Variants in RSU1 observed in about 807,000 individuals in gnomAD.
The protein encoded by RSU1 is rsu-1.
In RSU1, 26 loss-of-function variants were observed where a neutral mutation model predicts 31.1. The observed-to-expected ratio is 0.84, with a 90% confidence interval of 0.61 to 1.16. RSU1 has a LOEUF of 1.16. Among genes scored for constraint, RSU1 ranks in the 50% most tolerant of loss-of-function variants. RSU1 has a pLI of 0.00. For missense variants in RSU1, 320 were observed against 339.1 expected (o/e 0.94, Z 0.44); for synonymous variants, 164 against 136.3 (o/e 1.20, Z -1.41).
intron 4 of RSU1, among the ~76,000 whole-genome samples, chr10:16,755,830 G>A (rs1416857348): frequency 6.6e-6 from 1 of 152,158 alleles, no homozygotes; most frequent in Non-Finnish European, 1.5e-5. Context: ...ACATATAAGT[G>A]AGAAGGTGTG....
intron 3 of RSU1, among the ~76,000 whole-genome samples, chr10:16,770,241 A>G (rs1197305380): frequency 6.6e-6 from 1 of 152,104 alleles, no homozygotes; most frequent in Non-Finnish European, 1.5e-5. Flanking sequence ...AGCAGCAGGC[A>G]CCACGCAAAA....
At chr10:16,694,877 C>A in intron 8 of RSU1, 146 bp downstream of exon 8, 2 of 735,468 alleles carry the variant, frequency 2.7e-6, no homozygotes, top group Non-Finnish European at 4.3e-6. Context: ...CCACACCTGG[C>A]CGACATGCAG....
At chr10:16,684,544 T>C (rs537757381) in intron 8 of RSU1, among the ~76,000 whole-genome samples, 4 of 152,180 alleles carry the variant, frequency 2.6e-5, no homozygotes, top group African/African-American at 9.6e-5. Context: ...GAGACAGAGA[T>C]ACCTAGAGAG....
chr10:16,599,295 C>T (rs1038058452), intron 8 of RSU1, among the ~76,000 whole-genome samples: 2 of 152,174 alleles, frequency 1.3e-5, no homozygotes, highest in Admixed American at 6.5e-5. Flanking sequence ...TTGTACTTTT[C>T]CCCCAGGGCC....
At chr10:16,683,160 G>GGTGTGTGTGTGTGTGTGTGTGTGTGT (rs4012467) in intron 8 of RSU1, among the ~76,000 whole-genome samples, 6,466 of 143,162 alleles carry the variant, frequency 0.045, 207 homozygotes, top group Middle Eastern at 0.067. Flanking sequence ...ATGGGTGTGT[G>GGTGTGTGTGTGTGTGTGTGTGTGTGT]GTGTGTGTGT....
At chr10:16,623,728 G>C (rs1464199598) in intron 8 of RSU1, among the ~76,000 whole-genome samples, 2 of 152,188 alleles carry the variant, frequency 1.3e-5, no homozygotes, top group Non-Finnish European at 2.9e-5. Flanking sequence ...ACTGGTGTGA[G>C]ATAGTATCTC....
intron 7 of RSU1, among the ~76,000 whole-genome samples, chr10:16,744,131 CAAAA>C (rs199565122): frequency 1.7e-5 from 2 of 114,966 alleles, no homozygotes; most frequent in Non-Finnish European, 3.8e-5. Flanking sequence ...GACTCTGTCT[CAAAA>C]AAAAAAAAAA....
At chr10:16,671,940 T>C (rs1835113220) in intron 8 of RSU1, among the ~76,000 whole-genome samples, 1 of 151,668 alleles carries the variant, frequency 6.6e-6, no homozygotes, top group Non-Finnish European at 1.5e-5. Context: ...CAAAGGCTTT[T>C]AAGTGAGAAA....
At chr10:16,653,807 T>G (rs879433659) in intron 8 of RSU1, among the ~76,000 whole-genome samples, 18 of 152,058 alleles carry the variant, frequency 1.2e-4, no homozygotes, top group Admixed American at 6.6e-4. Context: ...TTTCTAGAAA[T>G]GGTACGAAAA....
intron 8 of RSU1, among the ~76,000 whole-genome samples, chr10:16,610,899 G>A (rs188018096): frequency 4.3e-4 from 65 of 152,202 alleles, no homozygotes; most frequent in Admixed American, 1.4e-3. Flanking sequence ...CTAGAGTCCC[G>A]TTTACCTAGA....
intron 2 of RSU1, among the ~76,000 whole-genome samples, chr10:16,785,402 C>A (rs1837754731): frequency 9.1e-5 from 9 of 98,906 alleles, no homozygotes; most frequent in Non-Finnish European, 1.3e-4. Context: ...CTCTCTCTAT[C>A]TTTCTATATA....
chr10:16,803,409 C>T (rs12569402), intron 2 of RSU1, among the ~76,000 whole-genome samples: 44,635 of 152,044 alleles, frequency 0.29, 8,561 homozygotes, highest in African/African-American at 0.56. Flanking sequence ...AGACTCAACA[C>T]TGTTATGATG....
intron 2 of RSU1, among the ~76,000 whole-genome samples, chr10:16,795,414 T>C (rs559878329): frequency 1.3e-5 from 2 of 148,630 alleles, no homozygotes; most frequent in African/African-American, 4.9e-5. Flanking sequence ...CAATAGCTAA[T>C]GCTTACCAAA....
chr10:16,679,076 A>G (rs1224115125), intron 8 of RSU1, among the ~76,000 whole-genome samples: 1 of 152,244 alleles, frequency 6.6e-6, no homozygotes, highest in African/African-American at 2.4e-5. Flanking sequence ...GTCATAATCT[A>G]AGCTGAGTAT....
intron 7 of RSU1, among the ~76,000 whole-genome samples, chr10:16,711,221 T>A (rs775292392): frequency 6.6e-6 from 1 of 152,204 alleles, no homozygotes; most frequent in Non-Finnish European, 1.5e-5. Flanking sequence ...ATATTCTCTA[T>A]AATTTTCTGT....
At chr10:16,731,998 C>G (rs929862223) in intron 7 of RSU1, among the ~76,000 whole-genome samples, 3 of 152,102 alleles carry the variant, frequency 2.0e-5, no homozygotes, top group African/African-American at 4.8e-5. Context: ...CTTAAGGGGC[C>G]AATGGACTTA....
At chr10:16,671,782 T>C (rs10904786) in intron 8 of RSU1, among the ~76,000 whole-genome samples, 43,475 of 151,006 alleles carry the variant, frequency 0.29, 6,517 homozygotes, top group African/African-American at 0.37. Context: ...CATACCACCA[T>C]GCCCAGCTAA....
chr10:16,698,794 G>A (rs1835730597), intron 7 of RSU1, among the ~76,000 whole-genome samples: 1 of 152,180 alleles, frequency 6.6e-6, no homozygotes, highest in African/African-American at 2.4e-5. Flanking sequence ...TAACAGAAAG[G>A]ACCACAGGCT....
At chr10:16,724,603 G>A (rs150283018) in intron 7 of RSU1, among the ~76,000 whole-genome samples, 51 of 152,344 alleles carry the variant, frequency 3.3e-4, no homozygotes, top group African/African-American at 8.4e-4. Flanking sequence ...CTAACAGCAC[G>A]TGGCAGAAGA....
Sources: gnomAD v4.1 joint callset for allele counts (sites outside exome capture counted in the v4.1 genomes callset) on GRCh38, gnomAD v4.1.1 for gene constraint, MANE v1.5 for transcripts, NCBI Gene and HGNC (gene_info 2026-07-23, HGNC 2026-07-21) for gene names.